Variants in TMEM132B observed in about 807,000 individuals in gnomAD.
TMEM132B encodes the protein transmembrane protein 132B.
In TMEM132B, 18 loss-of-function variants were observed where a neutral mutation model predicts 90.8. That is an observed-to-expected ratio of 0.20 (90% CI 0.14 to 0.29). TMEM132B has a LOEUF of 0.29. Ranked by LOEUF, TMEM132B falls within the 10% of genes least tolerant of loss-of-function variation. TMEM132B has a pLI of 1.00. For missense variants in TMEM132B, 1,096 were observed against 1,326.8 expected (o/e 0.83, Z 2.70); for synonymous variants, 504 against 523.3 (o/e 0.96, Z 0.50).
intron 1 of TMEM132B, among the ~76,000 whole-genome samples, chr12:125,194,017 G>C (rs1475563722): frequency 6.6e-6 from 1 of 152,198 alleles, no homozygotes; most frequent in African/African-American, 2.4e-5. Flanking sequence ...GGGCAGGAGA[G>C]AAAGAAGCCT....
intron 3 of TMEM132B, among the ~76,000 whole-genome samples, chr12:125,508,971 A>G (rs1389421903): frequency 6.6e-6 from 1 of 151,550 alleles, no homozygotes; most frequent in Non-Finnish European, 1.5e-5. Context: ...TTTGGTAGAG[A>G]CGGGGTTTCA....
chr12:125,216,997 C>T (rs1208292911), intron 1 of TMEM132B, among the ~76,000 whole-genome samples: 1 of 152,250 alleles, frequency 6.6e-6, no homozygotes, highest in East Asian at 1.9e-4. Context: ...CAGATGCCTT[C>T]CCTGTATGCA....
chr12:125,555,723 T>A lies in TMEM132B; in HGVS notation c.1294-28128T>A, dbSNP rs190056358. On this transcript the variant is annotated intron_variant, in intron 4 of 8. Coordinates refer to ENST00000682704, the MANE Select transcript of TMEM132B (RefSeq NM_001366854.1). ...GAACTTAAAGTATAGTAAAAAAAAA[T>A]ATATATATATATAAAAAGAAAAGAG... 8.9e-3 allele frequency among the ~76,000 whole-genome samples: 1,287 copies of A among 143,924 alleles called. 22 individuals carry two copies. Among genetic ancestry groups the A allele is most frequent in the African/African-American group, 0.028 (1,037 of 36,510 alleles). The allele number at this position is 143,924 out of a possible 152,430, so 94.4% of individuals were successfully genotyped here.
rs1451773286 is a variant in TMEM132B at position 125,246,637 on chromosome 12, C to T, written c.67+59771C>T. The stretch of plus-strand genomic sequence containing the variant: ...ACACAGTGCCATTTAAAGAGGAAGC[C>T]CTGGTTCCAGTGTTGGCTTCAGAGA... On this transcript the variant is annotated intron_variant, in intron 1 of 8. Coordinates refer to ENST00000682704, the MANE Select transcript of TMEM132B (RefSeq NM_001366854.1). The surrounding 1 kb of genome is among the most constrained non-coding windows in gnomAD (Gnocchi z 4.2). Among the ~76,000 whole-genome samples the T allele has an allele frequency of 6.6e-6, 1 of 152,164 alleles. No individual in the cohort carries two copies. The highest frequency in any genetic ancestry group is 1.9e-4 in the East Asian group (1 of 5,186).
At chr12:125,253,431 C>A (rs1874359342) in intron 1 of TMEM132B, among the ~76,000 whole-genome samples, 1 of 151,476 alleles carries the variant, frequency 6.6e-6, no homozygotes, top group Admixed American at 6.6e-5. Context: ...TCTTTCCCCC[C>A]CACTTTTTTT....
chr12:125,477,746 C>A (rs1390458751), intron 3 of TMEM132B, among the ~76,000 whole-genome samples: 1 of 152,124 alleles, frequency 6.6e-6, no homozygotes, highest in African/African-American at 2.4e-5. Flanking sequence ...GTGGTTCTCC[C>A]AGCACTGTGT....
intron 1 of TMEM132B, among the ~76,000 whole-genome samples, chr12:125,263,791 T>C (rs1437614703): frequency 6.6e-6 from 1 of 152,204 alleles, no homozygotes; most frequent in African/African-American, 2.4e-5. Context: ...ACTGTTAGTG[T>C]CTGTGGCTGT....
chr12:125,470,266 A>G (rs753955436), intron 3 of TMEM132B, among the ~76,000 whole-genome samples: 3 of 152,158 alleles, frequency 2.0e-5, no homozygotes, highest in Non-Finnish European at 4.4e-5. Flanking sequence ...CTCAAGCCCC[A>G]ACCATCAACT....
chr12:125,219,326 C>G (rs538637613), intron 1 of TMEM132B, among the ~76,000 whole-genome samples: 1 of 152,366 alleles, frequency 6.6e-6, no homozygotes, highest in South Asian at 2.1e-4. Flanking sequence ...AGGAGAGCAT[C>G]TGGGGGACCT....
chr12:125,620,312 G>A (rs539384188), intron 5 of TMEM132B, among the ~76,000 whole-genome samples: 2 of 152,120 alleles, frequency 1.3e-5, no homozygotes, highest in African/African-American at 2.4e-5. Context: ...ATATATTCTT[G>A]CTTGGGACAA....
chr12:125,516,516 T>C (rs1311187574), intron 3 of TMEM132B, among the ~76,000 whole-genome samples: 2 of 152,254 alleles, frequency 1.3e-5, no homozygotes, highest in African/African-American at 4.8e-5. Flanking sequence ...ATTCCATTCA[T>C]TGCTGGACTT....
chr12:125,397,797 C>A (rs904257620), intron 2 of TMEM132B, among the ~76,000 whole-genome samples: 3 of 152,158 alleles, frequency 2.0e-5, no homozygotes, highest in Admixed American at 6.5e-5. Context: ...ATGCTTGGGG[C>A]ACCAATGCTT....
chr12:125,356,699 G>A (rs1877784180), intron 2 of TMEM132B, among the ~76,000 whole-genome samples: 1 of 152,212 alleles, frequency 6.6e-6, no homozygotes, highest in Non-Finnish European at 1.5e-5. Context: ...AGGCCGCCAT[G>A]TTGCCTACAA....
At chr12:125,634,703 G>A (rs1226790201) in intron 5 of TMEM132B, among the ~76,000 whole-genome samples, 5 of 152,192 alleles carry the variant, frequency 3.3e-5, no homozygotes, top group African/African-American at 9.7e-5. Context: ...CCCAGGGTAT[G>A]TCTAGTAATG....
intron 4 of TMEM132B, among the ~76,000 whole-genome samples, chr12:125,542,746 C>T (rs552258556): frequency 6.6e-6 from 1 of 152,318 alleles, no homozygotes; most frequent in South Asian, 2.1e-4. Flanking sequence ...TTGATGGACA[C>T]TTGGGTTGCT....
At chr12:125,583,717 C>T in intron 4 of TMEM132B, 134 bp from the exon 5 acceptor site, 1 of 1,070,434 alleles carries the variant, frequency 9.3e-7, no homozygotes, top group Non-Finnish European at 1.4e-6. Flanking sequence ...AGCTTTGTGG[C>T]TTTGTCCCTT....
intron 1 of TMEM132B, among the ~76,000 whole-genome samples, chr12:125,339,364 T>C (rs1354122975): frequency 1.3e-5 from 2 of 152,140 alleles, no homozygotes; most frequent in Non-Finnish European, 2.9e-5. Context: ...CACATGGTCT[T>C]CCCTGTGTGT....
chr12:125,647,399 C>A (rs1220301633), intron 6 of TMEM132B, among the ~76,000 whole-genome samples: 2 of 152,160 alleles, frequency 1.3e-5, no homozygotes, highest in Non-Finnish European at 2.9e-5. Context: ...CAAAGAAATC[C>A]ATGTGAAGAC....
chr12:125,430,556 G>A (rs1415019887), intron 3 of TMEM132B, among the ~76,000 whole-genome samples: 2 of 152,222 alleles, frequency 1.3e-5, no homozygotes, highest in African/African-American at 4.8e-5. Context: ...GGAAGGTGGA[G>A]CTGGGTTGGT....
Sources: gnomAD v4.1 joint callset for allele counts (sites outside exome capture counted in the v4.1 genomes callset) on GRCh38, gnomAD v4.1.1 for gene constraint, Gnocchi (gnomAD v3.1) non-coding constraint, MANE v1.5 for transcripts, NCBI Gene and HGNC (gene_info 2026-07-23, HGNC 2026-07-21) for gene names.